The following MCU variants were observed in gnomAD, a reference collection of about 807,000 sequenced individuals.
MCU encodes the protein mitochondrial calcium uniporter, also known as calcium uniporter protein, mitochondrial.
In MCU, 12 loss-of-function variants were observed where a neutral mutation model predicts 45.2. The observed-to-expected ratio is 0.27, with a 90% CI of 0.17 to 0.43. The LOEUF (loss-of-function observed/expected upper bound fraction) is 0.43, where lower values mean the gene tolerates loss of function less well. MCU is among the 20% of genes least tolerant of loss of function. The pLI is 1.00. For missense variants in MCU, 324 were observed against 436.7 expected (o/e 0.74, Z 2.30); for synonymous variants, 160 against 165.1 (o/e 0.97, Z 0.24).
intron 1 of MCU, among the ~76,000 whole-genome samples, chr10:72,782,388 GAGAT>G (rs1844008123): frequency 6.6e-6 from 1 of 151,936 alleles, no homozygotes; most frequent in South Asian, 2.1e-4. Flanking sequence ...GTTGTTTTTG[GAGAT>G]GGAGTTTTGC....
At chr10:72,739,187 AT>A (rs1363212861) in intron 1 of MCU, among the ~76,000 whole-genome samples, 5 of 151,916 alleles carry the variant, frequency 3.3e-5, no homozygotes, top group Middle Eastern at 6.8e-3. Flanking sequence ...GTGCCTTAAC[AT>A]TTTTTTTGAC....
intron 1 of MCU, among the ~76,000 whole-genome samples, chr10:72,723,789 T>C (rs1433836006): frequency 6.6e-6 from 1 of 152,212 alleles, no homozygotes; most frequent in African/African-American, 2.4e-5. Flanking sequence ...AAGGTAAACA[T>C]TCTTTCCTCG....
chr10:72,780,511 A>T (rs371135133), intron 1 of MCU, among the ~76,000 whole-genome samples: 10 of 110,660 alleles, frequency 9.0e-5, no homozygotes, highest in Non-Finnish European at 9.2e-5. Flanking sequence ...TCTTTGGCTA[A>T]GTGTGTGTGT....
At chr10:72,848,811 T>C (rs1845161617) in intron 2 of MCU, among the ~76,000 whole-genome samples, 1 of 152,080 alleles carries the variant, frequency 6.6e-6, no homozygotes, top group Non-Finnish European at 1.5e-5. Context: ...AACTTCAGGA[T>C]AGTGGCTTCA....
At chr10:72,800,811 G>A (rs1352151705) in intron 1 of MCU, among the ~76,000 whole-genome samples, 1 of 152,170 alleles carries the variant, frequency 6.6e-6, no homozygotes, top group Non-Finnish European at 1.5e-5. Flanking sequence ...AATCTAAGGT[G>A]TTGGATTATT....
intron 6 of MCU, among the ~76,000 whole-genome samples, chr10:72,880,480 G>C (rs5014757): frequency 2.1e-5 from 3 of 141,002 alleles, no homozygotes; most frequent in East Asian, 3.9e-4. Flanking sequence ...AGGCAAAGCG[G>C]GGGGGGGGAA....
chr10:72,871,146 C>T (rs1387302259), intron 5 of MCU, among the ~76,000 whole-genome samples: 1 of 152,068 alleles, frequency 6.6e-6, no homozygotes, highest in African/African-American at 2.4e-5. Flanking sequence ...GCAAGCTTCC[C>T]GCCTTGGCCT....
intron 1 of MCU, among the ~76,000 whole-genome samples, chr10:72,697,320 T>C (rs1842700981): frequency 6.6e-6 from 1 of 151,910 alleles, no homozygotes; most frequent in African/African-American, 2.4e-5. Flanking sequence ...TTTCGCCATG[T>C]TGGCCAAGCT....
At chr10:72,801,793 T>G (rs1844346049) in intron 1 of MCU, among the ~76,000 whole-genome samples, 1 of 151,040 alleles carries the variant, frequency 6.6e-6, no homozygotes, top group Non-Finnish European at 1.5e-5. Flanking sequence ...TGCCTCAGCC[T>G]CCCGGGTAAC....
chr10:72,787,181 C>T (rs1463934532), intron 1 of MCU, among the ~76,000 whole-genome samples: 1 of 152,224 alleles, frequency 6.6e-6, no homozygotes, highest in Admixed American at 6.5e-5. Context: ...CCTATCTCCA[C>T]GAAGCCTTCT....
chr10:72,852,888 T>C lies in MCU; in HGVS notation c.221-6289T>C, dbSNP rs566086055. Among the ~76,000 whole-genome samples the C allele has an allele frequency of 2.0e-5, 3 of 152,316 alleles. No individual in the cohort carries two copies. In the East Asian group the frequency reaches 5.8e-4, roughly 29 times the overall value. ...GTAATATAAAATGAATAATTTTGCT[T>C]CCCTCTAGCCACAGTAGAGAGATAG... On this transcript the variant is annotated intron_variant, in intron 2 of 7. Coordinates refer to ENST00000373053, the MANE Select transcript of MCU (RefSeq NM_138357.3).
At position 72,797,211 on chromosome 10, in the gene MCU, CTTTTA is replaced by C. The variant is rs1162934387; in HGVS notation, c.151-37128_151-37124del. On this transcript the variant is annotated intron_variant, in intron 1 of 7. Coordinates refer to ENST00000373053, the MANE Select transcript of MCU (RefSeq NM_138357.3). ...CTTGCTGTTTCTACTTTATAACATA[CTTTTA>C]TTTTATTTTATTTTATTTTTTTTTT... Among the ~76,000 whole-genome samples, 15 of 135,976 alleles carry C rather than the reference CTTTTA, an allele frequency of 1.1e-4. No homozygotes were observed. In the South Asian group the frequency reaches 1.6e-3, roughly 14 times the overall value. The allele number at this position is 135,976 out of a possible 152,430, so 89.2% of individuals were successfully genotyped here. A position where few individuals can be genotyped will look rare whatever the true frequency, so the allele number is the denominator to read the frequency against.
At chr10:72,782,222 A>T (rs1362436945) in intron 1 of MCU, among the ~76,000 whole-genome samples, 2 of 152,148 alleles carry the variant, frequency 1.3e-5, no homozygotes, top group African/African-American at 4.8e-5. Flanking sequence ...TTAGAGCGAT[A>T]CTTAAGCTTG....
At chr10:72,799,335 T>C (rs1373460345) in intron 1 of MCU, among the ~76,000 whole-genome samples, 1 of 152,232 alleles carries the variant, frequency 6.6e-6, no homozygotes, top group Non-Finnish European at 1.5e-5. Flanking sequence ...CATTCATTCA[T>C]TTAATAAATA....
chr10:72,743,412 CAAAAAAAAA>C (rs374429962), intron 1 of MCU, among the ~76,000 whole-genome samples: 3 of 74,426 alleles, frequency 4.0e-5, no homozygotes, highest in South Asian at 6.6e-4. Context: ...TACTCCATCT[CAAAAAAAAA>C]AAAAAAAAAA....
intron 1 of MCU, chr10:72,693,197 T>TGTGA (rs1371847603): frequency 3.6e-6 from 3 of 844,334 alleles, no homozygotes; most frequent in Non-Finnish European, 5.6e-6. Flanking sequence ...TGTGTGTGTG[T>TGTGA]GTGAGAGAGA....
At chr10:72,765,488 A>G (rs1388017911) in intron 1 of MCU, among the ~76,000 whole-genome samples, 1 of 152,070 alleles carries the variant, frequency 6.6e-6, no homozygotes, top group Non-Finnish European at 1.5e-5. Flanking sequence ...TAAGGCAAAT[A>G]CCTCCAGGAA....
At chr10:72,793,220 G>T (rs996488551) in intron 1 of MCU, among the ~76,000 whole-genome samples, 1 of 152,110 alleles carries the variant, frequency 6.6e-6, no homozygotes, top group African/African-American at 2.4e-5. Flanking sequence ...ATATAGCTAG[G>T]TACCTAGAAA....
intron 1 of MCU, among the ~76,000 whole-genome samples, chr10:72,729,122 C>T (rs1031995839): frequency 1.3e-5 from 2 of 152,154 alleles, no homozygotes; most frequent in African/African-American, 2.4e-5. Flanking sequence ...CCCAAATGTA[C>T]GCTGATCTTT....
Sources: allele counts gnomAD v4.1 joint callset (sites outside exome capture counted in the v4.1 genomes callset), GRCh38; gene constraint gnomAD v4.1.1; transcripts MANE v1.5; gene names NCBI Gene and HGNC (gene_info 2026-07-23, HGNC 2026-07-21).